LYAR: variants seen among roughly 807,000 people sequenced by gnomAD.
LYAR encodes Ly1 antibody reactive, also known as cell growth-regulating nucleolar protein.
A neutral mutation model predicts 45.2 loss-of-function variants in LYAR; 37 were observed. The observed-to-expected ratio is 0.82, with a 90% CI of 0.63 to 1.08. The LOEUF (loss-of-function observed/expected upper bound fraction) is 1.08. Ranked by LOEUF, LYAR falls within the 50% of genes least tolerant of loss-of-function variation. The pLI, the probability that LYAR is intolerant of heterozygous loss-of-function variation, is 0.00. For synonymous variants in LYAR, 176 were observed against 155.1 expected, an observed-to-expected ratio of 1.14 and a Z score of -1.00; for missense variants, 493 against 451.0, an observed-to-expected ratio of 1.09 and a Z score of -0.84.
chr4:4,287,621 G>A (rs1362796909), intron 1 of LYAR, among the ~76,000 whole-genome samples: 1 of 152,148 alleles, frequency 6.6e-6, no homozygotes, highest in Non-Finnish European at 1.5e-5. Flanking sequence ...TAAGGCTCAG[G>A]AGGGTAAGTG....
rs1049512742 is a variant in LYAR, at chr4:4,273,813, C to T, written c.833-144G>A. On this transcript the variant is annotated intron_variant, in intron 7 of 9. Coordinates refer to ENST00000343470, the MANE Select transcript of LYAR (RefSeq NM_017816.3). ...GCTGCCCAGCCCCGGTTTATAAAAC[C>T]CCAGGAGGGTTTTATCCTCCTCCAT... 1.5e-5 allele frequency: 9 copies of T among 592,294 alleles called. No individual in the cohort carries two copies. The South Asian group carries it at 1.8e-4, about 12-fold the overall frequency. 36.7% of individuals were successfully genotyped at this position (592,294 alleles called of 1,614,324 possible).
chr4:4,282,233 T>C (rs1270858453), intron 3 of LYAR, among the ~76,000 whole-genome samples: 1 of 152,220 alleles, frequency 6.6e-6, no homozygotes, highest in East Asian at 1.9e-4. Flanking sequence ...GGTAGTTTTT[T>C]TAAATTATAA....
intron 6 of LYAR, among the ~76,000 whole-genome samples, chr4:4,276,958 AG>A (rs1401334440): frequency 1.3e-5 from 2 of 152,226 alleles, no homozygotes; most frequent in Non-Finnish European, 2.9e-5. Flanking sequence ...AGGGCAGAGG[AG>A]GATTTCAGAA....
In LYAR at chr4:4,268,597, C is replaced by G. The variant is rs374449812; in HGVS notation, c.938G>C (p.Gly313Ala). 1.8e-5 allele frequency: 29 copies of G among 1,604,106 alleles called. No homozygotes were observed. The highest frequency in any genetic ancestry group is 2.1e-5 in the Non-Finnish European group (25 of 1,172,870). ...APAKGKFNWK[G>A]TIKAILKQAP... ...CTGTTTCAGAATTGCTTTAATAGTT[C>G]CCTTCCAGTTGAATTTACCTACAAT... The change falls in exon 9 of 10, where the codon GGA becomes GCA. Residue 313 changes from glycine to alanine, a missense_variant. Coordinates refer to ENST00000343470, the MANE Select transcript of LYAR (RefSeq NM_017816.3).
At chr4:4,278,218 C>G (rs911172985) in intron 6 of LYAR, among the ~76,000 whole-genome samples, 1 of 152,092 alleles carries the variant, frequency 6.6e-6, no homozygotes, top group Non-Finnish European at 1.5e-5. Context: ...GGTGTACTAC[C>G]GAGATAAATT....
At position 4,277,556 on chromosome 4, in the gene LYAR, A is replaced by T. The variant is rs181101385; in HGVS notation, c.429+1891T>A. ...CCCCATCTTCTTTTTACCTCATTAC[A>T]CACTCTCCTCAAATGTGGTCTCCTC... On this transcript the variant is annotated intron_variant, in intron 6 of 9. Transcript: ENST00000343470. 2.4e-3 allele frequency among the ~76,000 whole-genome samples: 362 copies of T among 152,284 alleles called. 2 individuals are homozygous for T. Among genetic ancestry groups the T allele is most frequent in the Non-Finnish European group, 3.9e-3 (262 of 68,022 alleles).
intron 1 of LYAR, among the ~76,000 whole-genome samples, chr4:4,289,111 A>G (rs1205818886): frequency 2.0e-5 from 3 of 152,208 alleles, no homozygotes; most frequent in African/African-American, 7.2e-5. Context: ...TGAGGCTGAC[A>G]AGGGTTACAA....
At chr4:4,272,934 G>A (rs1719000014) in intron 8 of LYAR, among the ~76,000 whole-genome samples, 1 of 152,160 alleles carries the variant, frequency 6.6e-6, no homozygotes, top group Non-Finnish European at 1.5e-5. Context: ...GAGTGCTTCA[G>A]GCCTGAAGAA....
intron 6 of LYAR, 52 bp from the exon 7 acceptor site, chr4:4,274,821 A>G (rs1318766507): frequency 6.6e-7 from 1 of 1,514,190 alleles, no homozygotes; most frequent in Non-Finnish European, 8.9e-7. Flanking sequence ...ATGTGTAAAT[A>G]GAGTTGTCAC....
rs1166813187 is a variant in LYAR at position 4,287,234 on chromosome 4, C to T, written c.-107-662G>A. On this transcript the variant is annotated intron_variant, in intron 1 of 9. Transcript: ENST00000343470. ...TACATGCTTTCCTTCTGGCCACATG[C>T]GCATGTTAAAAGAGAAAGGCAGGCA... Among the ~76,000 whole-genome samples the T allele has an allele frequency of 2.6e-5, 4 of 152,248 alleles. No homozygotes were observed. In the East Asian group the frequency reaches 5.8e-4, roughly 22 times the overall value.
chr4:4,287,669 G>C (rs1185031025), intron 1 of LYAR, among the ~76,000 whole-genome samples: 1 of 152,162 alleles, frequency 6.6e-6, no homozygotes, highest in Non-Finnish European at 1.5e-5. Flanking sequence ...GAGGTGGCCT[G>C]AAAGACCAGG....
chr4:4,281,989 C>G, intron 3 of LYAR, 92 bp from the exon 4 acceptor site: 1 of 764,872 alleles, frequency 1.3e-6, no homozygotes, highest in Non-Finnish European at 2.3e-6. Context: ...GTGGTCTACA[C>G]TGTATATTTT....
At chr4:4,289,946 G>A (rs1481638839) in intron 1 of LYAR, 90 bp downstream of exon 1, 1 of 152,394 alleles carries the variant, frequency 6.6e-6, no homozygotes, top group African/African-American at 2.4e-5. Context: ...GCGTAACCCA[G>A]AGGGGCTGAC....
chr4:4,285,355 T>A (rs575261861), intron 2 of LYAR, among the ~76,000 whole-genome samples: 1 of 152,308 alleles, frequency 6.6e-6, no homozygotes, highest in South Asian at 2.1e-4. Context: ...TGTGATATTG[T>A]CAAGCTCCTG....
At chr4:4,273,517 T>C in intron 8 of LYAR, 66 bp downstream of exon 8, 5 of 1,160,746 alleles carry the variant, frequency 4.3e-6, no homozygotes, top group Admixed American at 1.9e-5. Flanking sequence ...GCCTCTGAAG[T>C]AGCTGGGACT....
At chr4:4,287,119 G>T (rs1577220887) in intron 1 of LYAR, among the ~76,000 whole-genome samples, 2 of 152,130 alleles carry the variant, frequency 1.3e-5, no homozygotes, top group South Asian at 2.1e-4. Context: ...TTTTTTCATG[G>T]GGCTGGATCT....
intron 6 of LYAR, among the ~76,000 whole-genome samples, chr4:4,277,813 G>A (rs3733426): frequency 0.73 from 110,775 of 152,092 alleles, 43,479 homozygotes; most frequent in Non-Finnish European, 0.86. Context: ...AAAAGCATCC[G>A]ACCTGACATC....
At position 4,281,812 on chromosome 4, in the gene LYAR, C is replaced by G. The variant is rs1719404454; in HGVS notation, c.208G>C (p.Gly70Arg). 2 of 1,614,018 alleles carry G rather than the reference C, an allele frequency of 1.2e-6. No homozygotes were observed. The highest frequency in any genetic ancestry group is 2.2e-5 in the South Asian group (2 of 91,084). Residue 70 changes from glycine (G) to arginine (R), a missense_variant, in exon 4 of 10, where the codon GGC becomes CGC. Transcript: ENST00000343470. ...ATCCACGCCTGCTGTTTGATGTCGCCTTTGTGGGTTTTACCTTCATAGCCT... is the reference window on the plus strand; with the variant it reads ...ATCCACGCCTGCTGTTTGATGTCGCGTTTGTGGGTTTTACCTTCATAGCCT... The part of the protein sequence containing the change: ...GKGYEGKTHK[G>R]DIKQQAWIQK...
intron 2 of LYAR, among the ~76,000 whole-genome samples, chr4:4,285,294 C>T (rs765596653): frequency 5.9e-5 from 9 of 152,196 alleles, no homozygotes; most frequent in Non-Finnish European, 1.3e-4. Context: ...CATGACTACC[C>T]TCGATGTGCT....
Sources: gnomAD v4.1 joint callset for allele counts (sites outside exome capture counted in the v4.1 genomes callset) on GRCh38, gnomAD v4.1.1 for gene constraint, MANE v1.5 for transcripts, NCBI Gene and HGNC (gene_info 2026-07-23, HGNC 2026-07-21) for gene names.